The following PLCG2 variants were observed in gnomAD, a reference collection of about 807,000 sequenced individuals.
The protein encoded by PLCG2 is 1-phosphatidylinositol 4,5-bisphosphate phosphodiesterase gamma-2.
A neutral mutation model predicts 175.6 loss-of-function variants in PLCG2; 69 were observed. That is an observed-to-expected ratio of 0.39 (90% CI 0.32 to 0.48). The LOEUF (loss-of-function observed/expected upper bound fraction) is 0.48. PLCG2 is among the 20% of genes least tolerant of loss of function. PLCG2 has a pLI of 0.91. For missense variants in PLCG2, 1,798 were observed against 1,650.9 expected (o/e 1.09, Z -1.54); for synonymous variants, 827 against 624.0 (o/e 1.33, Z -4.85).
At chr16:81,791,333 T>C (rs1291714919) in intron 2 of PLCG2, among the ~76,000 whole-genome samples, 1 of 152,074 alleles carries the variant, frequency 6.6e-6, no homozygotes, top group Non-Finnish European at 1.5e-5. Context: ...ATTTGCTAGA[T>C]GGTTAGCAGG....
chr16:81,915,515 A>G (rs904472164), intron 19 of PLCG2, among the ~76,000 whole-genome samples: 1 of 152,138 alleles, frequency 6.6e-6, no homozygotes, highest in African/African-American at 2.4e-5. Flanking sequence ...ACCTGTTCCC[A>G]TCTCCCCTTC....
At chr16:81,888,958 A>C (rs570510121) in intron 9 of PLCG2, among the ~76,000 whole-genome samples, 4 of 152,254 alleles carry the variant, frequency 2.6e-5, no homozygotes, top group Middle Eastern at 3.4e-3. Context: ...AGAGAGCCCA[A>C]AATATTTACC....
At chr16:81,856,093 A>C (rs1340344776) in intron 3 of PLCG2, among the ~76,000 whole-genome samples, 1 of 152,182 alleles carries the variant, frequency 6.6e-6, no homozygotes, top group East Asian at 1.9e-4. Context: ...CCTAAATTCA[A>C]GGTCAGCACA....
At chr16:81,791,042 C>G (rs1597320516) in intron 2 of PLCG2, among the ~76,000 whole-genome samples, 2 of 152,150 alleles carry the variant, frequency 1.3e-5, no homozygotes. Context: ...GCTCTGAACC[C>G]TGTTTGGATG....
chr16:81,947,387 T>C (rs566985218), intron 31 of PLCG2, among the ~76,000 whole-genome samples: 45 of 152,332 alleles, frequency 3.0e-4, no homozygotes, highest in African/African-American at 9.9e-4. Context: ...TGTCACCTGG[T>C]TCTGTGCCAC....
chr16:81,880,123 C>A (rs199643936), intron 7 of PLCG2, among the ~76,000 whole-genome samples: 2 of 152,124 alleles, frequency 1.3e-5, no homozygotes, highest in Non-Finnish European at 2.9e-5. Flanking sequence ...TGCCTGTAGT[C>A]CTAGTTACGC....
intron 7 of PLCG2, among the ~76,000 whole-genome samples, chr16:81,878,401 C>T (rs1263202189): frequency 6.6e-6 from 1 of 152,134 alleles, no homozygotes; most frequent in Non-Finnish European, 1.5e-5. Context: ...AGGTCATGCC[C>T]ATGGGTACTG....
At chr16:81,747,187 T>G (rs898572351) in intron 1 of PLCG2, among the ~76,000 whole-genome samples, 3 of 152,222 alleles carry the variant, frequency 2.0e-5, no homozygotes, top group Non-Finnish European at 4.4e-5. Flanking sequence ...ATTCCCCCTC[T>G]AGGAATTTCT....
rs575727476 is a variant in PLCG2, at chr16:81,867,564, A to T, written c.480-1650A>T. 2.4e-4 allele frequency among the ~76,000 whole-genome samples: 37 copies of T among 152,042 alleles called. No homozygotes were observed. The East Asian group carries it at 2.7e-3, about 11-fold the overall frequency. ...AATTGTTCAAACATCAAACAGGTGA[A>T]TGTGCATATAAGGCACCACCTAGAA... On this transcript the variant is annotated intron_variant, in intron 5 of 32. Coordinates refer to ENST00000564138, the MANE Select transcript of PLCG2 (RefSeq NM_002661.5).
chr16:81,887,916 C>T (rs1252957639), intron 9 of PLCG2, among the ~76,000 whole-genome samples: 1 of 152,180 alleles, frequency 6.6e-6, no homozygotes, highest in Non-Finnish European at 1.5e-5. Flanking sequence ...GCAGCAGCTG[C>T]TTTGGAACTG....
chr16:81,850,697 T>C (rs773144699), intron 2 of PLCG2, among the ~76,000 whole-genome samples: 4 of 152,150 alleles, frequency 2.6e-5, no homozygotes, highest in Non-Finnish European at 4.4e-5. Context: ...TATTTAAGCA[T>C]GTAGAAGCGG....
At chr16:81,939,618 C>G (rs562752117) in intron 29 of PLCG2, among the ~76,000 whole-genome samples, 1 of 152,142 alleles carries the variant, frequency 6.6e-6, no homozygotes, top group Non-Finnish European at 1.5e-5. Flanking sequence ...AAACACCTCC[C>G]CCGTTCCCTT....
At chr16:81,866,525 C>G (rs1907244709) in intron 5 of PLCG2, among the ~76,000 whole-genome samples, 2 of 87,332 alleles carry the variant, frequency 2.3e-5, no homozygotes, top group African/African-American at 6.6e-5. Flanking sequence ...CTCTCCCTTG[C>G]TCCCAGGATG....
At chr16:81,869,738 C>T (rs4889422) in intron 6 of PLCG2, among the ~76,000 whole-genome samples, 34,424 of 152,034 alleles carry the variant, frequency 0.23, 4,097 homozygotes, top group South Asian at 0.3. Context: ...CTTTTTTCTT[C>T]TGTTTCTCCA....
At chr16:81,902,318 G>C (rs935860731) in intron 14 of PLCG2, among the ~76,000 whole-genome samples, 12 of 152,132 alleles carry the variant, frequency 7.9e-5, no homozygotes, top group African/African-American at 2.7e-4. Flanking sequence ...CCTAAGCTGG[G>C]TGGGTTATAA....
intron 2 of PLCG2, among the ~76,000 whole-genome samples, chr16:81,799,829 G>C (rs555648688): frequency 1.3e-5 from 2 of 152,118 alleles, no homozygotes; most frequent in East Asian, 3.9e-4. Context: ...TCCTGACCTC[G>C]TGATCCTCCC....
At chr16:81,739,919 C>G (rs898221090) in intron 1 of PLCG2, among the ~76,000 whole-genome samples, 2 of 152,144 alleles carry the variant, frequency 1.3e-5, no homozygotes, top group African/African-American at 4.8e-5. Flanking sequence ...AGGTGGATCA[C>G]TTGAGGTCAG....
chr16:81,783,104 C>T lies in PLCG2; in HGVS notation c.-47-2839C>T, dbSNP rs777009697. The T allele has an allele frequency of 8.3e-6, 4 of 482,174 alleles. No homozygotes were observed. The East Asian group carries it at 1.8e-4, about 21-fold the overall frequency. 29.9% of individuals were successfully genotyped at this position (482,174 alleles called of 1,614,324 possible). On this transcript the variant is annotated intron_variant, in intron 1 of 32. Coordinates refer to ENST00000564138, the MANE Select transcript of PLCG2 (RefSeq NM_002661.5). The stretch of plus-strand genomic sequence containing the variant: ...TGAGGGCTGGAAAGAACTGAGGAGC[C>T]TGGTCCCTTGTCCTGGTTTCTGTCT...
chr16:81,839,467 T>C (rs1327366196), intron 2 of PLCG2, among the ~76,000 whole-genome samples: 1 of 152,218 alleles, frequency 6.6e-6, no homozygotes, highest in African/African-American at 2.4e-5. Flanking sequence ...ATTAATAGGC[T>C]GTATATAAAG....
Sources: gnomAD v4.1 joint callset for allele counts (sites outside exome capture counted in the v4.1 genomes callset) on GRCh38, gnomAD v4.1.1 for gene constraint, MANE v1.5 for transcripts, NCBI Gene and HGNC (gene_info 2026-07-23, HGNC 2026-07-21) for gene names.